Variants in NSD1 observed in about 807,000 individuals in gnomAD.
NSD1 encodes histone-lysine N-methyltransferase, H3 lysine-36 specific.
In NSD1, 26 loss-of-function variants were observed where a neutral mutation model predicts 242.7. That is an observed-to-expected ratio of 0.11 (90% CI 0.08 to 0.15). The LOEUF (loss-of-function observed/expected upper bound fraction) is 0.15. Ranked by LOEUF, NSD1 falls within the 10% of genes least tolerant of loss-of-function variation. The pLI is 1.00. For missense variants in NSD1, 2,495 were observed against 3,272.8 expected (o/e 0.76, Z 5.80); for synonymous variants, 1,106 against 1,178.1 (o/e 0.94, Z 1.25).
chr5:177,238,585 A>T lies in NSD1; in HGVS notation c.4192+78A>T. On this transcript the variant is annotated intron_variant, in intron 7 of 22. Transcript: ENST00000439151. The surrounding 1 kb of genome is among the most constrained non-coding windows in gnomAD (Gnocchi z 4.6). ...GGAGATTTTAGTATGTTTTGATGTA[A>T]AGCCAACATTGTATCTATATACAAT... 1 of 1,520,178 alleles carries T rather than the reference A, an allele frequency of 6.6e-7. No homozygotes were observed. Among genetic ancestry groups the T allele is most frequent in the South Asian group, 1.1e-5 (1 of 88,994 alleles). 94.2% of individuals were successfully genotyped at this position (1,520,178 alleles called of 1,614,324 possible). A position where few individuals can be genotyped will look rare whatever the true frequency, so the allele number is the denominator to read the frequency against.
rs747706715 is a variant in NSD1, at chr5:177,256,968, G to A, written c.4783G>A (p.Val1595Ile). 2.5e-6 allele frequency: 4 copies of A among 1,613,964 alleles called. No homozygotes were observed. Among genetic ancestry groups the A allele is most frequent in the South Asian group, 1.1e-5 (1 of 91,076 alleles). ...CTTCTCAGGAATCCATACCTGTTTT[G>A]TATGTAAGCAGAGTGGGGAAGATGT... ...ECRTGIHTCFVCKQSGEDVKR... is the reference protein window; with the variant it reads ...ECRTGIHTCFICKQSGEDVKR... The change falls in exon 13 of 23, where the codon GTA (valine) becomes ATA (isoleucine). Residue 1595 changes from valine (V) to isoleucine (I), a missense_variant. This residue lies in a region of NSD1 where 27 missense variants were observed against 43.1 expected (regional missense o/e 0.63). Transcript: ENST00000439151.
intron 2 of NSD1, among the ~76,000 whole-genome samples, chr5:177,181,712 C>T (rs1257099462): frequency 6.6e-6 from 1 of 151,344 alleles, no homozygotes; most frequent in Non-Finnish European, 1.5e-5. Flanking sequence ...AGGTGTGAGC[C>T]ACTGTGCTTG....
intron 13 of NSD1, 43 bp downstream of exon 13, chr5:177,257,194 G>C (rs184344717): frequency 7.6e-6 from 9 of 1,184,288 alleles, no homozygotes; most frequent in Non-Finnish European, 1.1e-5. Context: ...TAAAACCTCA[G>C]TTTAATTGGC....
intron 8 of NSD1, among the ~76,000 whole-genome samples, chr5:177,241,369 G>A (rs561269060): frequency 2.0e-5 from 3 of 151,602 alleles, no homozygotes; most frequent in South Asian, 4.2e-4. Context: ...GCTGGGCGTC[G>A]TGGTACCTGC....
rs1312416277 is a variant in NSD1, at chr5:177,267,626, T to C, written c.5211T>C (p.Asp1737=). Residue 1737 remains aspartate (D), a synonymous_variant, in exon 15 of 23, where the codon GAT becomes GAC. Transcript: ENST00000439151. ...TTCATCGTGAATGCCTGAACATTGA[T>C]ATCCCTGAAGGAAACTGGTATTGCA... The part of the protein sequence containing the change: ...AAFHRECLNI[D]IPEGNWYCND... 6.2e-7 allele frequency: 1 copy of C among 1,614,098 alleles called. No homozygotes were observed.
rs3733875 is a variant in NSD1 at position 177,210,239 on chromosome 5, G to T, written c.1840G>T (p.Val614Leu). 220,003 of 1,597,604 alleles carry T rather than the reference G, an allele frequency of 0.14. 19,804 individuals are homozygous for T. Among genetic ancestry groups the T allele is most frequent in the East Asian group, 0.5 (22,525 of 44,644 alleles). Reference protein sequence around the residue: ...REKNKPQRSLVCGSKVKLCYI... With the variant: ...REKNKPQRSLLCGSKVKLCYI... ...GAAGAATAAACCCCAACGAAGCCTG[G>T]TGTGTGGTTCAAAAGTGAAGCTCTG... is the stretch of plus-strand genomic sequence containing the variant. The change falls in exon 5 of 23, where the codon GTG becomes TTG. Residue 614 changes from valine (V) to leucine (L), a missense_variant. Coordinates refer to ENST00000439151, the MANE Select transcript of NSD1 (RefSeq NM_022455.5).
In NSD1 at chr5:177,210,144, T is replaced by G; in HGVS notation, c.1745T>G (p.Phe582Cys). 6.2e-7 allele frequency: 1 copy of G among 1,613,318 alleles called. No homozygotes were observed. Among genetic ancestry groups the G allele is most frequent in the Non-Finnish European group, 8.5e-7 (1 of 1,179,742 alleles). The change falls in exon 5 of 23, where the codon TTT becomes TGT. Residue 582 changes from phenylalanine to cysteine, a missense_variant. This residue lies in a region of NSD1 where 515 missense variants were observed against 467.0 expected (regional missense o/e 1.10). Transcript: ENST00000439151. ...SCGKNTAKKE[F>C]ETSNGDSLLG... is the part of the protein sequence containing the mutation. The stretch of plus-strand genomic sequence containing the variant: ...GGAAAAAACACTGCAAAGAAAGAAT[T>G]TGAGACTTCAAATGGTGACTCTTTA...
chr5:177,272,617 C>G (rs561284962), intron 16 of NSD1, among the ~76,000 whole-genome samples: 1 of 152,302 alleles, frequency 6.6e-6, no homozygotes, highest in Admixed American at 6.5e-5. Flanking sequence ...GGGCCGGGCA[C>G]AGTGACTCAT....
At chr5:177,239,087 A>G (rs1765660080) in intron 7 of NSD1, among the ~76,000 whole-genome samples, 1 of 152,226 alleles carries the variant, frequency 6.6e-6, no homozygotes, top group African/African-American at 2.4e-5. Flanking sequence ...TGAATATTAT[A>G]GTCAGTCAAG....
At chr5:177,167,905 A>G (rs1326675410) in intron 2 of NSD1, among the ~76,000 whole-genome samples, 1 of 152,168 alleles carries the variant, frequency 6.6e-6, no homozygotes, top group Non-Finnish European at 1.5e-5. Context: ...GGCTTCCTAC[A>G]GTTGCATATG....
intron 4 of NSD1, among the ~76,000 whole-genome samples, chr5:177,209,398 G>A (rs533301602): frequency 3.3e-5 from 5 of 151,568 alleles, no homozygotes; most frequent in African/African-American, 7.3e-5. Context: ...GTGTGGTGGC[G>A]GGTGCCTGTA....
intron 2 of NSD1, among the ~76,000 whole-genome samples, chr5:177,181,209 G>T (rs1050548493): frequency 1.3e-5 from 2 of 151,620 alleles, no homozygotes; most frequent in African/African-American, 2.4e-5. Context: ...ACTTGAATTC[G>T]GGAAGGAAGT....
At chr5:177,139,975 A>G (rs565629587) in intron 2 of NSD1, among the ~76,000 whole-genome samples, 2 of 151,140 alleles carry the variant, frequency 1.3e-5, no homozygotes, top group South Asian at 4.2e-4. Context: ...TTCTCTTGGC[A>G]GTGGGTAAGA....
At chr5:177,285,276 A>G (rs2127265238) in intron 20 of NSD1, among the ~76,000 whole-genome samples, 1 of 152,280 alleles carries the variant, frequency 6.6e-6, no homozygotes, top group Non-Finnish European at 1.5e-5. Context: ...AAGTATTAAA[A>G]TTTGTGGCTG....
At chr5:177,133,639 G>A (rs1421966164), upstream of NSD1, 1 of 150,062 alleles carries the variant, frequency 6.7e-6, no homozygotes, top group East Asian at 2.0e-4. This position sits in a 1 kb window ranked among gnomAD's most constrained non-coding sequence, Gnocchi z 6.2. Flanking sequence ...CGAAGAGTGA[G>A]AGAAGGGAAC....
chr5:177,256,439 C>T (rs770778773), intron 12 of NSD1, among the ~76,000 whole-genome samples: 1 of 152,054 alleles, frequency 6.6e-6, no homozygotes, highest in East Asian at 1.9e-4. Flanking sequence ...TGCATCACCA[C>T]GCCCAGCTAA....
chr5:177,239,152 TA>T (rs1765664675), intron 7 of NSD1, among the ~76,000 whole-genome samples: 2 of 152,210 alleles, frequency 1.3e-5, no homozygotes, highest in Admixed American at 1.3e-4. Flanking sequence ...ATAACTTTTT[TA>T]CATTATCAAC....
At chr5:177,247,039 G>T (rs965404756) in intron 10 of NSD1, among the ~76,000 whole-genome samples, 1 of 152,162 alleles carries the variant, frequency 6.6e-6, no homozygotes, top group South Asian at 2.1e-4. Context: ...TGTCCAATCA[G>T]GTATATAAGT....
chr5:177,249,066 C>T (rs1755690618), intron 11 of NSD1, among the ~76,000 whole-genome samples: 1 of 152,118 alleles, frequency 6.6e-6, no homozygotes, highest in Non-Finnish European at 1.5e-5. Context: ...TAGGGGATTC[C>T]ACTTTATTGT....
Sources: gnomAD v4.1 joint callset for allele counts (sites outside exome capture counted in the v4.1 genomes callset) on GRCh38, gnomAD v4.1.1 for gene constraint, gnomAD v4.1.1 regional missense constraint, Gnocchi (gnomAD v3.1) non-coding constraint, MANE v1.5 for transcripts, NCBI Gene and HGNC (gene_info 2026-07-23, HGNC 2026-07-21) for gene names.